FER1L6: variants seen among roughly 807,000 people sequenced by gnomAD.
FER1L6 encodes fer-1 like family member 6, also known as fer-1-like protein 6.
Under a neutral mutation model 219.2 loss-of-function variants are expected in FER1L6, and 177 were observed. The ratio of observed to expected loss-of-function variants is 0.81; its 90% CI spans 0.71 to 0.91. FER1L6 has a LOEUF of 0.91. Ranked by LOEUF, FER1L6 falls within the 40% of genes least tolerant of loss-of-function variation. The probability of loss-of-function intolerance (pLI) is 0.00; values close to 1 mark genes in which losing one functional copy is unlikely to be tolerated. For missense variants in FER1L6, 2,153 were observed against 2,259.9 expected (o/e 0.95, Z 0.96); for synonymous variants, 768 against 824.3 (o/e 0.93, Z 1.17).
chr8:123,907,207 C>A (rs1012140479), intron 1 of FER1L6, among the ~76,000 whole-genome samples: 4 of 152,164 alleles, frequency 2.6e-5, no homozygotes, highest in Non-Finnish European at 5.9e-5. Context: ...CACCAGCACA[C>A]CCTATCATAA....
At chr8:123,895,713 G>A (rs1334785931) in intron 1 of FER1L6, among the ~76,000 whole-genome samples, 1 of 152,186 alleles carries the variant, frequency 6.6e-6, no homozygotes, top group East Asian at 1.9e-4. Flanking sequence ...TGATTTAAAT[G>A]AGTGCTGAAA....
At chr8:124,019,269 T>G (rs907855598) in intron 16 of FER1L6, among the ~76,000 whole-genome samples, 2 of 152,198 alleles carry the variant, frequency 1.3e-5, no homozygotes, top group Non-Finnish European at 2.9e-5. Flanking sequence ...TATATTCATA[T>G]GTAACTCTTC....
At chr8:123,998,653 T>A (rs751822841) in intron 12 of FER1L6, among the ~76,000 whole-genome samples, 5 of 152,000 alleles carry the variant, frequency 3.3e-5, no homozygotes, top group Non-Finnish European at 7.4e-5. Context: ...GGGCAATGAG[T>A]TCACCCCTGG....
At chr8:123,898,026 T>C (rs900237591) in intron 1 of FER1L6, among the ~76,000 whole-genome samples, 14 of 152,164 alleles carry the variant, frequency 9.2e-5, no homozygotes, top group African/African-American at 3.4e-4. Flanking sequence ...TGGTGAGGCA[T>C]ATTTTGTGCA....
intron 15 of FER1L6, 67 bp from the exon 16 acceptor site, chr8:124,017,561 A>G (rs1314723491): frequency 8.0e-7 from 1 of 1,251,630 alleles, no homozygotes; most frequent in East Asian, 2.3e-5. Context: ...AATATTTGCA[A>G]ACCTCTGGAA....
rs998505958 is a variant in FER1L6, at chr8:124,100,988, T to C, written c.4884-109T>C. 6 of 1,050,800 alleles carry C rather than the reference T, an allele frequency of 5.7e-6. No homozygotes were observed. In the African/African-American group the frequency reaches 9.6e-5, roughly 17 times the overall value. The allele number at this position is 1,050,800 out of a possible 1,614,324, so 65.1% of individuals were successfully genotyped here. A position where few individuals can be genotyped will look rare whatever the true frequency, so the allele number is the denominator to read the frequency against. On this transcript the variant is annotated intron_variant, in intron 37 of 40. Transcript: ENST00000522917. ...CCAACTGAATCTAATTATAATGATT[T>C]TTAAACTATGCTCTGTGACCACATT...
rs534450793 is a variant in FER1L6, at chr8:123,963,398, G to A, written c.197G>A (p.Arg66Lys). ...GTCCCCTCAGCTTCTCCAAAGAGAA[G>A]GTACAGTATGGATGCAGGTGGTCAA... is the stretch of plus-strand genomic sequence containing the variant. ...FPVPSASPKR[R>K]SKLLTKIHDG... The change falls in exon 3 of 41, where the codon AGA becomes AAA. Residue 66 changes from arginine (R) to lysine (K), a missense_variant and splice_region_variant. Physicochemically the swap from Arg to Lys is conservative, Grantham distance 26. Transcript: ENST00000522917. The A allele has an allele frequency of 2.7e-5, 44 of 1,613,926 alleles. 1 individual carries two copies. In the South Asian group the frequency reaches 4.5e-4, roughly 17 times the overall value.
At chr8:124,051,757 A>G (rs541288104) in intron 22 of FER1L6, among the ~76,000 whole-genome samples, 1 of 152,280 alleles carries the variant, frequency 6.6e-6, no homozygotes, top group Admixed American at 6.5e-5. Flanking sequence ...GGTTAGACAC[A>G]CTTGTATTCA....
At chr8:123,993,403 C>G (rs1216965574) in intron 12 of FER1L6, among the ~76,000 whole-genome samples, 2 of 146,784 alleles carry the variant, frequency 1.4e-5, no homozygotes, top group African/African-American at 2.5e-5. Context: ...GATCCCGCCA[C>G]TGCACTCCAG....
chr8:123,920,303 G>T (rs1360126210), intron 1 of FER1L6, among the ~76,000 whole-genome samples: 1 of 152,230 alleles, frequency 6.6e-6, no homozygotes, highest in African/African-American at 2.4e-5. Flanking sequence ...TGAGAGGCTG[G>T]TGGTGCAGGT....
At chr8:123,956,999 G>T (rs1284119203) in intron 2 of FER1L6, among the ~76,000 whole-genome samples, 4 of 152,186 alleles carry the variant, frequency 2.6e-5, no homozygotes, top group Non-Finnish European at 5.9e-5. Context: ...CAGATGGGGT[G>T]GTCCTCTGGA....
chr8:124,080,501 A>C lies in FER1L6; in HGVS notation c.4221-1787A>C, dbSNP rs554382463. Among the ~76,000 whole-genome samples, 11 of 152,258 alleles carry C rather than the reference A, an allele frequency of 7.2e-5. No individual in the cohort carries two copies. In the South Asian group the frequency reaches 2.3e-3, roughly 32 times the overall value. ...CCGGGCTAATTTTTGTATTTTTAGT[A>C]GAGACAGGGTTTCACCATGTTGGCC... is the stretch of plus-strand genomic sequence containing the variant. On this transcript the variant is annotated intron_variant, in intron 32 of 40. Transcript: ENST00000522917.
At chr8:123,940,739 C>G (rs1432794164) in intron 1 of FER1L6, among the ~76,000 whole-genome samples, 1 of 152,128 alleles carries the variant, frequency 6.6e-6, no homozygotes, top group Non-Finnish European at 1.5e-5. Flanking sequence ...AAACTTTATC[C>G]TAGATAATTG....
At chr8:123,999,170 T>A (rs1246597244) in intron 12 of FER1L6, among the ~76,000 whole-genome samples, 2 of 152,028 alleles carry the variant, frequency 1.3e-5, no homozygotes, top group Non-Finnish European at 2.9e-5. Context: ...ATGTGTTGGG[T>A]CACACCTGAA....
intron 1 of FER1L6, among the ~76,000 whole-genome samples, chr8:123,937,239 C>G (rs1370097586): frequency 1.3e-5 from 2 of 152,210 alleles, no homozygotes; most frequent in African/African-American, 4.8e-5. Context: ...CTCACTCTAT[C>G]CTAATTCACT....
At chr8:124,075,596 ATTAT>A (rs958983554) in intron 31 of FER1L6, among the ~76,000 whole-genome samples, 1 of 152,198 alleles carries the variant, frequency 6.6e-6, no homozygotes, top group African/African-American at 2.4e-5. Flanking sequence ...CAGTAACATC[ATTAT>A]TTATTGTCAT....
rs569121203 is a variant in FER1L6, at chr8:124,070,216, T to C, written c.3835-251T>C. 3.9e-5 allele frequency among the ~76,000 whole-genome samples: 6 copies of C among 152,346 alleles called. No individual in the cohort carries two copies. The South Asian group carries it at 1.0e-3, about 26-fold the overall frequency. The stretch of plus-strand genomic sequence containing the variant: ...AAAAGGTTTGTTGTATCTATACTTA[T>C]ATATTACAATTTTTTAAATTTACCT... On this transcript the variant is annotated intron_variant, in intron 29 of 40. Coordinates refer to ENST00000522917, the MANE Select transcript of FER1L6 (RefSeq NM_001039112.2).
Position 124,017,610 on chromosome 8 carries a change from G to A in FER1L6, c.1923-18G>A, listed in dbSNP as rs777202653. On this transcript the variant is annotated intron_variant, in intron 15 of 40. Coordinates refer to ENST00000522917, the MANE Select transcript of FER1L6 (RefSeq NM_001039112.2). ...TTTTCACTAAGTAGGTTTCAAAATT[G>A]TTATTCTTTTCTTATAGTGCCTTTA... The A allele has an allele frequency of 1.9e-6, 3 of 1,585,812 alleles. No individual in the cohort carries two copies. The highest frequency in any genetic ancestry group is 2.2e-5 in the South Asian group (2 of 89,324).
intron 21 of FER1L6, 22 bp from the exon 22 acceptor site, chr8:124,049,585 A>T: frequency 6.2e-7 from 1 of 1,612,952 alleles, no homozygotes; most frequent in Non-Finnish European, 8.5e-7. Flanking sequence ...GGAAATACAA[A>T]CTCATTTCTT....
Sources: allele counts gnomAD v4.1 joint callset (sites outside exome capture counted in the v4.1 genomes callset), GRCh38; gene constraint gnomAD v4.1.1; transcripts MANE v1.5; gene names NCBI Gene and HGNC (gene_info 2026-07-23, HGNC 2026-07-21).